The following C10orf90 variants were observed in gnomAD, a reference collection of about 807,000 sequenced individuals.
C10orf90 encodes (E2-independent) E3 ubiquitin-conjugating enzyme FATS.
C10orf90 carries 56 observed loss-of-function variants against 62.5 expected under a neutral mutation model. That is an observed-to-expected ratio of 0.90 (90% confidence interval 0.72 to 1.12). C10orf90 has a LOEUF of 1.12. Ranked by LOEUF, C10orf90 falls within the 50% of genes most tolerant of loss-of-function variation. C10orf90 has a pLI of 0.00. For missense variants in C10orf90, 970 were observed against 880.4 expected (o/e 1.10, Z -1.29); for synonymous variants, 386 against 340.4 (o/e 1.13, Z -1.47).
In C10orf90 at chr10:126,606,836, T is replaced by C. The variant is rs377483171; in HGVS notation, c.313+39729A>G. ...ATTCCTGCATTGCTGGACCTGAACA[T>C]AACCAGGAACCAGTCATTAGATGTA... On this transcript the variant is annotated intron_variant, in intron 2 of 9. Coordinates refer to ENST00000488181, the MANE Select transcript of C10orf90 (RefSeq NM_001350921.2). Among the ~76,000 whole-genome samples, 8 of 152,242 alleles carry C rather than the reference T, an allele frequency of 5.3e-5. No homozygotes were observed. In the South Asian group the frequency reaches 1.2e-3, roughly 24 times the overall value.
intron 2 of C10orf90, among the ~76,000 whole-genome samples, chr10:126,635,357 G>A (rs1845929247): frequency 6.6e-6 from 1 of 152,138 alleles, no homozygotes; most frequent in East Asian, 1.9e-4. Context: ...CAAGGCATGG[G>A]GGGTGCGGGG....
intron 2 of C10orf90, among the ~76,000 whole-genome samples, chr10:126,637,183 A>T (rs1214991444): frequency 6.6e-6 from 1 of 152,190 alleles, no homozygotes. Context: ...TGATGGAGTC[A>T]GAGGAAGAAG....
intron 2 of C10orf90, among the ~76,000 whole-genome samples, chr10:126,556,970 T>C (rs1388396979): frequency 1.3e-5 from 2 of 149,652 alleles, no homozygotes; most frequent in East Asian, 2.0e-4. Context: ...TTCTATTAGG[T>C]TGGTGCAAAA....
chr10:126,570,810 C>T (rs1191615802), intron 2 of C10orf90, among the ~76,000 whole-genome samples: 1 of 152,162 alleles, frequency 6.6e-6, no homozygotes, highest in Non-Finnish European at 1.5e-5. Context: ...TAGGCCACAG[C>T]TATGCTCTTT....
At chr10:126,580,627 TGGG>T (rs1844728001) in intron 2 of C10orf90, among the ~76,000 whole-genome samples, 1 of 141,886 alleles carries the variant, frequency 7.0e-6, no homozygotes, top group African/African-American at 2.7e-5. Context: ...CACTCCAGCC[TGGG>T]CAACAGAGCG....
chr10:126,602,825 T>C (rs1845225421), intron 2 of C10orf90, among the ~76,000 whole-genome samples: 1 of 149,702 alleles, frequency 6.7e-6, no homozygotes, highest in Non-Finnish European at 1.5e-5. Flanking sequence ...AATCAGTGGG[T>C]CTTGGATTCC....
intron 2 of C10orf90, among the ~76,000 whole-genome samples, chr10:126,570,513 G>A (rs1321460405): frequency 6.6e-6 from 1 of 152,168 alleles, no homozygotes; most frequent in African/African-American, 2.4e-5. Context: ...ACTTAATTAG[G>A]AAAATTTAGA....
chr10:126,594,910 C>T (rs1328494726), intron 2 of C10orf90, among the ~76,000 whole-genome samples: 1 of 152,134 alleles, frequency 6.6e-6, no homozygotes, highest in Admixed American at 6.6e-5. Context: ...TGGGTCTGGA[C>T]TGTGTCCTCA....
At chr10:126,498,639 C>T (rs1017177977) in intron 4 of C10orf90, among the ~76,000 whole-genome samples, 2 of 152,212 alleles carry the variant, frequency 1.3e-5, no homozygotes, top group Admixed American at 1.3e-4. Flanking sequence ...AGAGCTTCTT[C>T]CCCCAGCTGC....
intron 1 of C10orf90, among the ~76,000 whole-genome samples, chr10:126,666,224 C>T (rs1489237204): frequency 6.6e-6 from 1 of 152,160 alleles, no homozygotes; most frequent in East Asian, 1.9e-4. Context: ...GTAGCATTTT[C>T]CCCAAGGTTG....
intron 2 of C10orf90, among the ~76,000 whole-genome samples, chr10:126,637,304 C>T (rs1044572825): frequency 2.0e-5 from 3 of 152,148 alleles, no homozygotes; most frequent in African/African-American, 7.2e-5. Context: ...TGTCTGCCTT[C>T]TGCCTTGGAG....
chr10:126,669,608 T>C (rs1476925421), intron 1 of C10orf90, among the ~76,000 whole-genome samples: 1 of 152,202 alleles, frequency 6.6e-6, no homozygotes. Flanking sequence ...TAACTGCTTG[T>C]GGCTGATACT....
intron 4 of C10orf90, among the ~76,000 whole-genome samples, chr10:126,498,474 C>A (rs56702803): frequency 0.014 from 2,149 of 152,284 alleles, 49 homozygotes; most frequent in African/African-American, 0.049. Flanking sequence ...CCCTCACCAC[C>A]ACCCCCTGCC....
chr10:126,496,949 T>C (rs1862094621), intron 4 of C10orf90, among the ~76,000 whole-genome samples: 2 of 152,204 alleles, frequency 1.3e-5, no homozygotes, highest in Admixed American at 6.5e-5. Flanking sequence ...TGTGCAAGTA[T>C]AACAATGACC....
At chr10:126,587,549 T>G (rs1442346144) in intron 2 of C10orf90, among the ~76,000 whole-genome samples, 1 of 152,158 alleles carries the variant, frequency 6.6e-6, no homozygotes. Flanking sequence ...TCCTCATGAT[T>G]TCATCTGAAC....
At chr10:126,615,615 GCTTT>G (rs1475221761) in intron 2 of C10orf90, among the ~76,000 whole-genome samples, 2 of 151,948 alleles carry the variant, frequency 1.3e-5, no homozygotes, top group African/African-American at 4.8e-5. Context: ...ACCCCCCTAA[GCTTT>G]CTTTCAGTTA....
intron 4 of C10orf90, among the ~76,000 whole-genome samples, chr10:126,476,259 C>T (rs536754685): frequency 1.3e-5 from 2 of 152,208 alleles, no homozygotes; most frequent in Non-Finnish European, 2.9e-5. Flanking sequence ...CTCTGGTTTT[C>T]TCAGACACTT....
chr10:126,574,221 C>G (rs547768995), intron 2 of C10orf90, among the ~76,000 whole-genome samples: 21 of 152,056 alleles, frequency 1.4e-4, no homozygotes, highest in African/African-American at 5.1e-4. Flanking sequence ...TGAACAAAAT[C>G]AAAAGATAAA....
At chr10:126,523,764 C>G (rs1034371830) in intron 2 of C10orf90, among the ~76,000 whole-genome samples, 1 of 152,030 alleles carries the variant, frequency 6.6e-6, no homozygotes, top group African/African-American at 2.4e-5. Flanking sequence ...TAACAACCAC[C>G]ATTCTACTGT....
Sources: gnomAD v4.1 joint callset for allele counts (sites outside exome capture counted in the v4.1 genomes callset) on GRCh38, gnomAD v4.1.1 for gene constraint, MANE v1.5 for transcripts, NCBI Gene and HGNC (gene_info 2026-07-23, HGNC 2026-07-21) for gene names.